The following UST variants were observed in gnomAD, a reference collection of about 807,000 sequenced individuals.
UST encodes uronyl 2-sulfotransferase, also known as chondroitin sulfate 2-O-sulfotransferase.
A neutral mutation model predicts 45.6 loss-of-function variants in UST; 21 were observed. The observed-to-expected ratio is 0.46, with a 90% CI of 0.33 to 0.66. UST has a LOEUF of 0.66. Among genes scored for constraint, UST ranks in the 30% least tolerant of loss-of-function variants. The pLI is 0.02. For missense variants in UST, 463 were observed against 512.4 expected, an observed-to-expected ratio of 0.90 and a Z score of 0.93; for synonymous variants, 215 against 200.6, an observed-to-expected ratio of 1.07 and a Z score of -0.61.
intron 7 of UST, among the ~76,000 whole-genome samples, chr6:149,039,745 GAA>G (rs1038324045): frequency 7.2e-5 from 11 of 152,216 alleles, no homozygotes; most frequent in African/African-American, 2.4e-4. Context: ...GAGCAGCGAG[GAA>G]ACTGTCGCTG....
At chr6:148,880,372 T>G (rs1049535716) in intron 1 of UST, among the ~76,000 whole-genome samples, 1 of 152,226 alleles carries the variant, frequency 6.6e-6, no homozygotes, top group Non-Finnish European at 1.5e-5. Flanking sequence ...AACAGTGATC[T>G]TCAGATTCTG....
chr6:148,896,442 G>T (rs1159495017), intron 2 of UST, among the ~76,000 whole-genome samples: 3 of 152,182 alleles, frequency 2.0e-5, no homozygotes, highest in African/African-American at 7.2e-5. Context: ...AGCCATTGCT[G>T]CTGCTAAGAG....
chr6:148,832,471 T>C (rs12197908), intron 1 of UST, among the ~76,000 whole-genome samples: 127 of 152,322 alleles, frequency 8.3e-4, no homozygotes, highest in Non-Finnish European at 1.6e-3. Context: ...CCTTAGGATC[T>C]GAGTACAGCA....
At chr6:148,767,461 A>T (rs967529711) in intron 1 of UST, among the ~76,000 whole-genome samples, 10 of 152,246 alleles carry the variant, frequency 6.6e-5, no homozygotes, top group African/African-American at 2.4e-4. Flanking sequence ...AGAGCAAACC[A>T]ACTGGTCTTA....
In UST at chr6:149,021,352, G is replaced by A. The variant is rs1775978933; in HGVS notation, c.808G>A (p.Ala270Thr). 6 of 1,613,774 alleles carry A rather than the reference G, an allele frequency of 3.7e-6. No individual in the cohort carries two copies. The highest frequency in any genetic ancestry group is 4.2e-6 in the Non-Finnish European group (5 of 1,179,808). ...GCCTGGTGAATGGGCCCTTGAGAGA[G>A]CAAAGCTGAACGTGAATGAAAACTT... ...REPGEWALER[A>T]KLNVNENFLL... is the part of the protein sequence containing the mutation. The change falls in exon 7 of 8, where the codon GCA becomes ACA. Residue 270 changes from alanine (A) to threonine (T), a missense_variant. By Grantham distance (58) the Ala-to-Thr change is moderately conservative. Transcript: ENST00000367463.
At chr6:148,995,755 G>A (rs1781441868) in intron 5 of UST, among the ~76,000 whole-genome samples, 1 of 152,260 alleles carries the variant, frequency 6.6e-6, no homozygotes, top group Non-Finnish European at 1.5e-5. Context: ...TGACAGGTGA[G>A]AATATTGGGC....
chr6:148,926,207 G>A (rs993897983), intron 2 of UST, among the ~76,000 whole-genome samples: 2 of 152,188 alleles, frequency 1.3e-5, no homozygotes, highest in Non-Finnish European at 2.9e-5. Context: ...CAATGTCAGT[G>A]TACTACAGGA....
At chr6:149,008,382 G>A (rs886450311) in intron 5 of UST, among the ~76,000 whole-genome samples, 3 of 152,138 alleles carry the variant, frequency 2.0e-5, no homozygotes, top group African/African-American at 7.2e-5. Context: ...GATTCATGGT[G>A]TATGTGCTTG....
chr6:149,042,856 G>A (rs187003419), intron 7 of UST, among the ~76,000 whole-genome samples: 4 of 152,216 alleles, frequency 2.6e-5, no homozygotes, highest in African/African-American at 9.6e-5. Context: ...CTGGACTCAC[G>A]TGCTCCTCTT....
intron 1 of UST, among the ~76,000 whole-genome samples, chr6:148,755,575 T>G (rs1776078454): frequency 6.6e-6 from 1 of 151,882 alleles, no homozygotes; most frequent in African/African-American, 2.4e-5. Context: ...GGGAGGTAAT[T>G]GAATCATGGG....
At position 149,074,044 on chromosome 6, in the gene UST, G is replaced by A; in HGVS notation, c.1149G>A (p.Leu383=). ...LRPHFFIPTP[L]ETEEPIDDEE... ...CACACTTCTTTATCCCAACTCCACT[G>A]GAAACCGAGGAGCCAATCGACGATG... The change falls in exon 8 of 8, where the codon CTG becomes CTA. Residue 383 remains leucine (L), a synonymous_variant. Coordinates refer to ENST00000367463, the MANE Select transcript of UST (RefSeq NM_005715.3). 1 of 1,614,192 alleles carries A rather than the reference G, an allele frequency of 6.2e-7. No individual in the cohort carries two copies. Among genetic ancestry groups the A allele is most frequent in the Non-Finnish European group, 8.5e-7 (1 of 1,180,024 alleles).
intron 7 of UST, among the ~76,000 whole-genome samples, chr6:149,038,495 A>G (rs1318941153): frequency 6.6e-6 from 1 of 151,944 alleles, no homozygotes; most frequent in Non-Finnish European, 1.5e-5. Context: ...CCTGGAAACT[A>G]GAAGAGGAGG....
intron 7 of UST, among the ~76,000 whole-genome samples, chr6:149,051,627 G>A (rs1258654436): frequency 6.6e-6 from 1 of 152,188 alleles, no homozygotes; most frequent in African/African-American, 2.4e-5. Flanking sequence ...TTGAGCAGAG[G>A]ATTGAATGGC....
intron 6 of UST, among the ~76,000 whole-genome samples, chr6:149,020,623 A>T (rs1453553987): frequency 6.6e-6 from 1 of 152,128 alleles, no homozygotes; most frequent in East Asian, 1.9e-4. Context: ...GGTGATTTTT[A>T]CCATTTTTCA....
intron 7 of UST, 48 bp from the exon 8 acceptor site, chr6:149,073,785 T>G: frequency 6.3e-7 from 1 of 1,592,706 alleles, no homozygotes; most frequent in Non-Finnish European, 8.6e-7. Context: ...GGATCCCTTC[T>G]AAGCTACTGC....
At chr6:148,895,068 G>A (rs936160526) in intron 2 of UST, among the ~76,000 whole-genome samples, 3 of 151,824 alleles carry the variant, frequency 2.0e-5, no homozygotes, top group Non-Finnish European at 2.9e-5. Context: ...CACCCACCTC[G>A]GCCTCCCAAA....
chr6:148,779,692 T>C (rs1255957684), intron 1 of UST, among the ~76,000 whole-genome samples: 1 of 152,208 alleles, frequency 6.6e-6, no homozygotes, highest in African/African-American at 2.4e-5. Flanking sequence ...TGGCTGGAAA[T>C]ATTAGTATAG....
intron 1 of UST, among the ~76,000 whole-genome samples, chr6:148,866,890 A>G (rs1177461002): frequency 8.0e-5 from 1 of 12,434 alleles, no homozygotes; most frequent in African/African-American, 4.8e-4. Flanking sequence ...GACCTCCACA[A>G]GGCATTTTTT....
At chr6:149,007,748 G>A (rs377458273) in intron 5 of UST, among the ~76,000 whole-genome samples, 2 of 151,916 alleles carry the variant, frequency 1.3e-5, no homozygotes, top group Non-Finnish European at 1.5e-5. Flanking sequence ...TAAGACAGGG[G>A]GTTTTTTTTT....
Sources: gnomAD v4.1 joint callset for allele counts (sites outside exome capture counted in the v4.1 genomes callset) on GRCh38, gnomAD v4.1.1 for gene constraint, MANE v1.5 for transcripts, NCBI Gene and HGNC (gene_info 2026-07-23, HGNC 2026-07-21) for gene names.